NGEF: variants seen among roughly 807,000 people sequenced by gnomAD.
NGEF encodes ephexin-1.
In NGEF, 31 loss-of-function variants were observed where a neutral mutation model predicts 80.9. That is an observed-to-expected ratio of 0.38 (90% CI 0.29 to 0.52). The LOEUF is 0.52. Ranked by LOEUF, NGEF falls within the 20% of genes least tolerant of loss-of-function variation. NGEF has a pLI of 0.84. For synonymous variants in NGEF, 371 were observed against 370.2 expected (o/e 1.00, Z -0.03); for missense variants, 709 against 926.2 (o/e 0.77, Z 3.04).
chr2:232,944,896 C>T (rs951824499), intron 3 of NGEF, among the ~76,000 whole-genome samples: 4 of 151,514 alleles, frequency 2.6e-5, no homozygotes, highest in Non-Finnish European at 5.9e-5. Flanking sequence ...GGATTACAGG[C>T]GCCTGCCACC....
chr2:232,944,062 G>A (rs191070465), intron 3 of NGEF, among the ~76,000 whole-genome samples: 4 of 151,704 alleles, frequency 2.6e-5, no homozygotes, highest in African/African-American at 4.8e-5. Context: ...GTGAAACCCC[G>A]TCTCTACTAA....
At chr2:232,900,423 T>TACACAC (rs1553546995) in intron 5 of NGEF, among the ~76,000 whole-genome samples, 1 of 13,068 alleles carries the variant, frequency 7.7e-5, no homozygotes, top group Non-Finnish European at 1.5e-4. Flanking sequence ...CACATTCACT[T>TACACAC]ACATGCTCTC....
chr2:232,905,300 C>T (rs1187374473), intron 5 of NGEF, among the ~76,000 whole-genome samples: 5 of 152,238 alleles, frequency 3.3e-5, no homozygotes, highest in African/African-American at 4.8e-5. Flanking sequence ...AACGGGGTTT[C>T]GCTGTGTTGG....
intron 13 of NGEF, 65 bp from the exon 14 acceptor site, chr2:232,881,315 G>A: frequency 7.8e-7 from 1 of 1,282,460 alleles, no homozygotes. Context: ...CTCCCACCAA[G>A]CCCGCAGCTG....
Position 232,965,391 on chromosome 2 carries a change from C to T in NGEF, c.383+4823G>A, listed in dbSNP as rs116286955. On this transcript the variant is annotated intron_variant, in intron 3 of 14. Coordinates refer to ENST00000264051, the MANE Select transcript of NGEF (RefSeq NM_019850.3). Reference sequence around the variant, plus strand: ...AACCAGAGATGCTCAAAATCAGCCGCGACACTTTGCATCAGGGACCCAGTA... The same window carrying T: ...AACCAGAGATGCTCAAAATCAGCCGTGACACTTTGCATCAGGGACCCAGTA... 9.5e-3 allele frequency among the ~76,000 whole-genome samples: 1,451 copies of T among 152,192 alleles called. 12 individuals are homozygous for T. The highest frequency in any genetic ancestry group is 0.017 in the Non-Finnish European group (1,135 of 68,022).
chr2:232,964,034 A>G (rs974109583), intron 3 of NGEF, among the ~76,000 whole-genome samples: 3 of 152,250 alleles, frequency 2.0e-5, no homozygotes, highest in Admixed American at 2.0e-4. Context: ...AATTAAAACC[A>G]TAGTGAGAAA....
intron 3 of NGEF, among the ~76,000 whole-genome samples, chr2:232,967,929 G>A (rs966791444): frequency 2.0e-5 from 3 of 152,014 alleles, no homozygotes; most frequent in African/African-American, 7.3e-5. Context: ...AATGAGGGCT[G>A]GGCATTAGGT....
At chr2:232,979,367 C>A (rs924383975) in intron 1 of NGEF, among the ~76,000 whole-genome samples, 1 of 60,762 alleles carries the variant, frequency 1.6e-5, no homozygotes, top group African/African-American at 1.1e-4. Flanking sequence ...TACACACACA[C>A]ACACACACAC....
intron 3 of NGEF, among the ~76,000 whole-genome samples, chr2:232,950,087 C>T (rs935112229): frequency 5.3e-5 from 8 of 152,242 alleles, no homozygotes; most frequent in African/African-American, 1.9e-4. Flanking sequence ...GCTGGGATTA[C>T]AGGCATGAGC....
At chr2:232,883,241 C>T in intron 12 of NGEF, 70 bp downstream of exon 12, 1 of 1,517,506 alleles carries the variant, frequency 6.6e-7, no homozygotes, top group Non-Finnish European at 8.9e-7. Context: ...TGGGGACAGG[C>T]CCATAGGCAT....
intron 5 of NGEF, among the ~76,000 whole-genome samples, chr2:232,917,655 G>A (rs918904548): frequency 6.6e-6 from 1 of 151,836 alleles, no homozygotes; most frequent in Admixed American, 6.6e-5. Context: ...ATTTTTAGTA[G>A]ATGAATAAGA....
At chr2:232,922,861 G>A (rs990036822) in intron 4 of NGEF, among the ~76,000 whole-genome samples, 2 of 152,222 alleles carry the variant, frequency 1.3e-5, no homozygotes, top group African/African-American at 4.8e-5. Flanking sequence ...CTTGAGGTCA[G>A]GAGTTCGAGA....
intron 14 of NGEF, among the ~76,000 whole-genome samples, 175 bp downstream of exon 14, chr2:232,880,969 GAA>G (rs1691482817): frequency 1.3e-5 from 2 of 152,202 alleles, no homozygotes; most frequent in African/African-American, 4.8e-5. Flanking sequence ...CCTTTACACT[GAA>G]GAGAGGCCAG....
intron 5 of NGEF, among the ~76,000 whole-genome samples, chr2:232,907,288 G>T (rs1199288200): frequency 6.6e-6 from 1 of 151,414 alleles, no homozygotes; most frequent in African/African-American, 2.4e-5. Flanking sequence ...ATCATTATAG[G>T]GTGTTTTCCT....
At chr2:233,011,038 C>T (rs1433892680) in intron 1 of NGEF, among the ~76,000 whole-genome samples, 3 of 152,122 alleles carry the variant, frequency 2.0e-5, no homozygotes, top group Non-Finnish European at 2.9e-5. Flanking sequence ...CCCCCTGCTC[C>T]GCTGGGCCAC....
At chr2:232,906,815 C>T (rs1254434040) in intron 5 of NGEF, among the ~76,000 whole-genome samples, 3 of 151,788 alleles carry the variant, frequency 2.0e-5, no homozygotes, top group Non-Finnish European at 2.9e-5. Context: ...ACATGGGAGA[C>T]TTTTCATTTT....
chr2:232,900,767 C>G (rs912439896), intron 5 of NGEF, among the ~76,000 whole-genome samples: 1 of 7,112 alleles, frequency 1.4e-4, no homozygotes, highest in Non-Finnish European at 2.4e-4. Context: ...CACACACACA[C>G]GCTCTCACAC....
chr2:232,936,829 C>A (rs1693334057), intron 3 of NGEF, among the ~76,000 whole-genome samples: 1 of 152,152 alleles, frequency 6.6e-6, no homozygotes, highest in Non-Finnish European at 1.5e-5. Flanking sequence ...TCAGTAAGTT[C>A]TGTGAGTTCT....
intron 1 of NGEF, among the ~76,000 whole-genome samples, chr2:232,984,777 G>A (rs576212911): frequency 6.6e-6 from 1 of 152,230 alleles, no homozygotes; most frequent in East Asian, 1.9e-4. Flanking sequence ...CTTCTAAAAA[G>A]TTAAACGTTT....
Sources: gnomAD v4.1 joint callset for allele counts (sites outside exome capture counted in the v4.1 genomes callset) on GRCh38, gnomAD v4.1.1 for gene constraint, MANE v1.5 for transcripts, NCBI Gene and HGNC (gene_info 2026-07-23, HGNC 2026-07-21) for gene names.